SRRT: variants seen among roughly 807,000 people sequenced by gnomAD.
The protein encoded by SRRT is serrate, RNA effector molecule.
A neutral mutation model predicts 103.2 loss-of-function variants in SRRT; 32 were observed. The observed-to-expected ratio is 0.31, with a 90% CI of 0.23 to 0.42. The LOEUF (loss-of-function observed/expected upper bound fraction) is 0.42, where lower values mean the gene tolerates loss of function less well. Among genes scored for constraint, SRRT ranks in the 10% least tolerant of loss-of-function variants. SRRT has a pLI of 1.00. For missense variants in SRRT, 986 were observed against 1,207.5 expected (o/e 0.82, Z 2.72); for synonymous variants, 525 against 449.0 (o/e 1.17, Z -2.14).
At position 100,886,975 on chromosome 7, in the gene SRRT, G is replaced by T; in HGVS notation, c.1821+7G>T. On this transcript the variant is annotated splice_region_variant and intron_variant, in intron 14 of 19. Coordinates refer to ENST00000611405, the MANE Select transcript of SRRT (RefSeq NM_015908.6). ...GGATGAGAAGTTGATTAAGGTGCCA[G>T]TGGCAGCGCGGGGCACGTGGGGGCT... 6 of 1,609,744 alleles carry T rather than the reference G, an allele frequency of 3.7e-6. No individual in the cohort carries two copies. The highest frequency in any genetic ancestry group is 5.1e-6 in the Non-Finnish European group (6 of 1,176,820).
At chr7:100,880,654 AGT>A in intron 2 of SRRT, 4 of 406,664 alleles carry the variant, frequency 9.8e-6, no homozygotes, top group Non-Finnish European at 2.0e-5. Context: ...ATGGACTTCT[AGT>A]AGGGGATGAT....
In SRRT at chr7:100,875,237, C is replaced by G. The variant is rs1440713476; in HGVS notation, c.-110C>G. 2.9e-6 allele frequency: 1 copy of G among 344,992 alleles called. No homozygotes were observed. Among genetic ancestry groups the G allele is most frequent in the East Asian group, 8.6e-5 (1 of 11,634 alleles). 21.4% of individuals were successfully genotyped at this position (344,992 alleles called of 1,614,324 possible). A position where few individuals can be genotyped will look rare whatever the true frequency, so the allele number is the denominator to read the frequency against. On this transcript the variant is annotated 5_prime_UTR_variant, in exon 1 of 20. Coordinates refer to ENST00000611405, the MANE Select transcript of SRRT (RefSeq NM_015908.6). ...TCAAGAGCTCCGTCTCCGTCTCGCC[C>G]TCCTCGAAGTCCTCGTCGCGCGCCC...
rs1437582660 is a variant in SRRT, at chr7:100,875,196, C to T, written c.-151C>T. On this transcript the variant is annotated 5_prime_UTR_variant, in exon 1 of 20. Transcript: ENST00000611405. The stretch of plus-strand genomic sequence containing the variant: ...CCGGTTGTCCCACTTTTGTTCGCCT[C>T]TCTTCGGCCCTCTACTCAAGAGCTC... 1.5e-5 allele frequency: 3 copies of T among 199,946 alleles called. No homozygotes were observed. The highest frequency in any genetic ancestry group is 2.4e-5 in the African/African-American group (1 of 42,074). 12.4% of individuals were successfully genotyped at this position (199,946 alleles called of 1,614,324 possible). A position where few individuals can be genotyped will look rare whatever the true frequency, so the allele number is the denominator to read the frequency against.
chr7:100,881,554 C>G, intron 3 of SRRT, 105 bp from the exon 4 acceptor site: 3 of 1,575,638 alleles, frequency 1.9e-6, no homozygotes, highest in Non-Finnish European at 2.6e-6. Flanking sequence ...TCCCTTGAAA[C>G]CCTTGTCTGG....
At position 100,887,732 on chromosome 7, in the gene SRRT, C is replaced by T. The variant is rs773136925; in HGVS notation, c.2199C>T (p.Phe733=). Reference sequence around the variant, plus strand: ...CTGAGTTTGTGCGCAAACATATCTTCAACAAGCATGCAGAGAAAATTGAGG... The same window carrying T: ...CTGAGTTTGTGCGCAAACATATCTTTAACAAGCATGCAGAGAAAATTGAGG... The part of the protein sequence containing the change: ...KGPEFVRKHI[F]NKHAEKIEEV... The change falls in exon 17 of 20, where the codon TTC becomes TTT. Residue 733 remains phenylalanine (F), a synonymous_variant. Coordinates refer to ENST00000611405, the MANE Select transcript of SRRT (RefSeq NM_015908.6). This position sits in a 1 kb window ranked among gnomAD's most constrained non-coding sequence, Gnocchi z 4.1. 10 of 1,612,636 alleles carry T rather than the reference C, an allele frequency of 6.2e-6. No individual in the cohort carries two copies. In the East Asian group the frequency reaches 1.8e-4, roughly 29 times the overall value.
chr7:100,882,570 C>T lies in SRRT; in HGVS notation c.587+329C>T. The T allele has an allele frequency of 4.3e-6, 1 of 232,938 alleles. No homozygotes were observed. The highest frequency in any genetic ancestry group is 1.2e-4 in the South Asian group (1 of 8,152). 14.4% of individuals were successfully genotyped at this position (232,938 alleles called of 1,614,324 possible). ...CATTGTCATCCCTGATCACCAGGAC[C>T]CTGTGTGGCTGTGGCGTCCTCCTAA... On this transcript the variant is annotated intron_variant, in intron 5 of 19. Coordinates refer to ENST00000611405, the MANE Select transcript of SRRT (RefSeq NM_015908.6). This position sits in a 1 kb window ranked among gnomAD's most constrained non-coding sequence, Gnocchi z 4.2.
chr7:100,887,871 T>G lies in SRRT; in HGVS notation c.2326+12T>G. The G allele has an allele frequency of 6.3e-7, 1 of 1,592,802 alleles. No individual in the cohort carries two copies. Among genetic ancestry groups the G allele is most frequent in the Non-Finnish European group, 8.6e-7 (1 of 1,163,552 alleles). ...TGGCCCCGCCCAGAGTAAGATACGA[T>G]CCATGAAGGTCGCATGTGCCCTCTT... On this transcript the variant is annotated intron_variant, in intron 17 of 19. Coordinates refer to ENST00000611405, the MANE Select transcript of SRRT (RefSeq NM_015908.6). This position sits in a 1 kb window ranked among gnomAD's most constrained non-coding sequence, Gnocchi z 4.1.
chr7:100,884,001 C>T, intron 5 of SRRT, 69 bp from the exon 6 acceptor site: 2 of 1,497,620 alleles, frequency 1.3e-6, no homozygotes, highest in Non-Finnish European at 8.9e-7. Flanking sequence ...CTTTCCTGGG[C>T]CCCTTCCCAC....
In SRRT at chr7:100,884,282, G is replaced by C. The variant is rs200228895; in HGVS notation, c.757+43G>C. 2.3e-4 allele frequency: 366 copies of C among 1,613,172 alleles called. 4 individuals carry two copies. In the East Asian group the frequency reaches 8.1e-3, roughly 36 times the overall value. The stretch of plus-strand genomic sequence containing the variant: ...GGTGGCAGGCATCTGGGCCCCATGG[G>C]GGTGGGGGTGTCTGGGGATCAGGTA... On this transcript the variant is annotated intron_variant, in intron 6 of 19. Transcript: ENST00000611405.
chr7:100,886,740 G>C, intron 13 of SRRT, 55 bp from the exon 14 acceptor site: 5 of 1,593,290 alleles, frequency 3.1e-6, no homozygotes, highest in Non-Finnish European at 4.3e-6. Context: ...GAAAGTCTCA[G>C]GTTACCTCCT....
intron 12 of SRRT, 90 bp from the exon 13 acceptor site, chr7:100,886,157 C>A: frequency 6.9e-7 from 1 of 1,451,920 alleles, no homozygotes; most frequent in Non-Finnish European, 9.4e-7. Context: ...TGATCAATCG[C>A]TGGTGCTCAA....
In SRRT at chr7:100,887,665, T is replaced by TA; in HGVS notation, c.2170-37dup. 4 of 1,593,074 alleles carry TA rather than the reference T, an allele frequency of 2.5e-6. No homozygotes were observed. Among genetic ancestry groups the TA allele is most frequent in the South Asian group, 2.2e-5 (2 of 89,520 alleles). On this transcript the variant is annotated intron_variant, in intron 16 of 19. Transcript: ENST00000611405. This position sits in a 1 kb window ranked among gnomAD's most constrained non-coding sequence, Gnocchi z 4.1. Reference sequence around the variant, plus strand: ...TCGGGCCTGGGAGCGAGGCAACCCTTATGTGGCTGTCCTGACCCCTCTCCT... The same window carrying TA: ...TCGGGCCTGGGAGCGAGGCAACCCTTAATGTGGCTGTCCTGACCCCTCTCCT...
At position 100,886,982 on chromosome 7, in the gene SRRT, C is replaced by T. The variant is rs377190501; in HGVS notation, c.1821+14C>T. 2.9e-5 allele frequency: 47 copies of T among 1,609,108 alleles called. 1 individual carries two copies. The highest frequency in any genetic ancestry group is 2.2e-4 in the South Asian group (20 of 90,740). ...AAGTTGATTAAGGTGCCAGTGGCAG[C>T]GCGGGGCACGTGGGGGCTCGGGCGG... is the stretch of plus-strand genomic sequence containing the variant. On this transcript the variant is annotated intron_variant, in intron 14 of 19. Transcript: ENST00000611405.
intron 2 of SRRT, among the ~76,000 whole-genome samples, chr7:100,879,977 T>A (rs1252512198): frequency 6.6e-6 from 1 of 152,016 alleles, no homozygotes; most frequent in South Asian, 2.1e-4. Context: ...GAAGTAACGG[T>A]GTGATGTGAT....
rs377399677 is a variant in SRRT at position 100,886,984 on chromosome 7, C to T, written c.1821+16C>T. 62 of 1,609,200 alleles carry T rather than the reference C, an allele frequency of 3.9e-5. No homozygotes were observed. The African/African-American group carries it at 4.1e-4, about 11-fold the overall frequency. On this transcript the variant is annotated intron_variant, in intron 14 of 19. Transcript: ENST00000611405. ...GTTGATTAAGGTGCCAGTGGCAGCGCGGGGCACGTGGGGGCTCGGGCGGTG... is the reference window on the plus strand; with the variant it reads ...GTTGATTAAGGTGCCAGTGGCAGCGTGGGGCACGTGGGGGCTCGGGCGGTG...
At chr7:100,876,984 G>A (rs117850489) in intron 2 of SRRT, among the ~76,000 whole-genome samples, 428 of 152,276 alleles carry the variant, frequency 2.8e-3, no homozygotes, top group Non-Finnish European at 4.7e-3. Context: ...GATGTCCACA[G>A]ACCATAGGGG....
chr7:100,886,829 T>A lies in SRRT; in HGVS notation c.1682T>A (p.Ile561Asn). ...TCGCAAAACCCGATCTTGAAGAATATCACCGACTACCTGATCGAGGAAGTA... is the reference window on the plus strand; with the variant it reads ...TCGCAAAACCCGATCTTGAAGAATAACACCGACTACCTGATCGAGGAAGTA... ...LPSQNPILKN[I>N]TDYLIEEVSA... The change falls in exon 14 of 20, where the codon ATC becomes AAC. Residue 561 changes from isoleucine (I) to asparagine (N), a missense_variant. By Grantham distance (149) the Ile-to-Asn change is moderately radical. Coordinates refer to ENST00000611405, the MANE Select transcript of SRRT (RefSeq NM_015908.6). 1 of 1,614,134 alleles carries A rather than the reference T, an allele frequency of 6.2e-7. No individual in the cohort carries two copies. The highest frequency in any genetic ancestry group is 8.5e-7 in the Non-Finnish European group (1 of 1,180,032).
In SRRT at chr7:100,887,029, C is replaced by T. The variant is rs375662358; in HGVS notation, c.1822-18C>T. 34 of 1,613,202 alleles carry T rather than the reference C, an allele frequency of 2.1e-5. No homozygotes were observed. Among genetic ancestry groups the T allele is most frequent in the African/African-American group, 2.0e-4 (15 of 74,926 alleles). On this transcript the variant is annotated intron_variant, in intron 14 of 19. Coordinates refer to ENST00000611405, the MANE Select transcript of SRRT (RefSeq NM_015908.6). This position sits in a 1 kb window ranked among gnomAD's most constrained non-coding sequence, Gnocchi z 4.1. ...GCGGTGAGGGCAGGAGCTGAACGCT[C>T]GCATTCACTTCCCTTAGGTCTTGGA... is the stretch of plus-strand genomic sequence containing the variant.
intron 2 of SRRT, among the ~76,000 whole-genome samples, chr7:100,876,725 G>A (rs1454811019): frequency 6.6e-6 from 1 of 152,128 alleles, no homozygotes; most frequent in Non-Finnish European, 1.5e-5. Flanking sequence ...GAATGGCAGT[G>A]GATGTATTCT....
Sources: gnomAD v4.1 joint callset for allele counts (sites outside exome capture counted in the v4.1 genomes callset) on GRCh38, gnomAD v4.1.1 for gene constraint, Gnocchi (gnomAD v3.1) non-coding constraint, MANE v1.5 for transcripts, NCBI Gene and HGNC (gene_info 2026-07-23, HGNC 2026-07-21) for gene names.